HERC4: variants seen among roughly 807,000 people sequenced by gnomAD.
HERC4 encodes HECT and RLD domain containing E3 ubiquitin protein ligase 4, also known as probable E3 ubiquitin-protein ligase HERC4.
A neutral mutation model predicts 124.3 loss-of-function variants in HERC4; 28 were observed. That is an observed-to-expected ratio of 0.23 (90% CI 0.17 to 0.31). HERC4 has a LOEUF of 0.31. Among genes scored for constraint, HERC4 ranks in the 10% least tolerant of loss-of-function variants. The pLI is 1.00. For missense variants in HERC4, 713 were observed against 1,229.3 expected, an observed-to-expected ratio of 0.58 and a Z score of 6.28; for synonymous variants, 407 against 421.5, an observed-to-expected ratio of 0.97 and a Z score of 0.42.
intron 9 of HERC4, among the ~76,000 whole-genome samples, chr10:67,999,474 C>T (rs1468734295): frequency 1.3e-5 from 2 of 152,150 alleles, no homozygotes; most frequent in Non-Finnish European, 2.9e-5. Flanking sequence ...AAAAGGATTC[C>T]AACAGGTATG....
chr10:67,964,410 T>C (rs1199961166), intron 16 of HERC4, among the ~76,000 whole-genome samples: 2 of 152,146 alleles, frequency 1.3e-5, no homozygotes, highest in African/African-American at 2.4e-5. Flanking sequence ...ATCCAATCCA[T>C]CAGTGATTTT....
rs528302794 is a variant in HERC4 at position 67,942,924 on chromosome 10, T to C, written c.2338-1819A>G. Among the ~76,000 whole-genome samples, 35 of 152,344 alleles carry C rather than the reference T, an allele frequency of 2.3e-4. 1 individual carries two copies. The highest frequency in any genetic ancestry group is 8.2e-4 in the African/African-American group (34 of 41,582). On this transcript the variant is annotated intron_variant, in intron 19 of 24. Transcript: ENST00000373700. ...ACACATTTTTCTTTTGAGTTTAAAATGACAACTTGCTTTAGTACACATTTC... is the reference window on the plus strand; with the variant it reads ...ACACATTTTTCTTTTGAGTTTAAAACGACAACTTGCTTTAGTACACATTTC...
chr10:68,067,210 G>A (rs2041343015), intron 3 of HERC4: 1 of 152,620 alleles, frequency 6.6e-6, no homozygotes, highest in Admixed American at 6.5e-5. Flanking sequence ...TTCCTCAGAT[G>A]TAGGGTCCTA....
At chr10:68,027,287 C>A (rs1238374676) in intron 7 of HERC4, among the ~76,000 whole-genome samples, 4 of 152,108 alleles carry the variant, frequency 2.6e-5, no homozygotes, top group African/African-American at 9.7e-5. Flanking sequence ...TAGTAAATCA[C>A]CATATAACCA....
At chr10:67,988,373 T>C (rs2036375935) in intron 15 of HERC4, among the ~76,000 whole-genome samples, 2 of 152,108 alleles carry the variant, frequency 1.3e-5, no homozygotes, top group Non-Finnish European at 2.9e-5. Context: ...TAACAAATTA[T>C]ATTCTTCATA....
At chr10:68,030,767 T>C (rs765339067) in intron 7 of HERC4, among the ~76,000 whole-genome samples, 1 of 152,212 alleles carries the variant, frequency 6.6e-6, no homozygotes, top group Non-Finnish European at 1.5e-5. Flanking sequence ...CATCAAAATG[T>C]GTATTTGTAT....
At chr10:68,004,491 T>TTC (rs1362052897) in intron 9 of HERC4, among the ~76,000 whole-genome samples, 1 of 152,172 alleles carries the variant, frequency 6.6e-6, no homozygotes, top group African/African-American at 2.4e-5. Context: ...CCTGGAGAGT[T>TTC]TCCTCAGCTT....
At chr10:68,059,865 TATATTATAATAATATTATATATCATA>T (rs2040893469) in intron 3 of HERC4, among the ~76,000 whole-genome samples, 1 of 95,508 alleles carries the variant, frequency 1.0e-5, no homozygotes, top group Non-Finnish European at 1.7e-5. Context: ...CATAATATTA[TATATTATAATAATATTATATATCATA>T]ATATTATATA....
At chr10:67,970,318 A>G (rs1209616146) in intron 15 of HERC4, among the ~76,000 whole-genome samples, 2 of 152,204 alleles carry the variant, frequency 1.3e-5, no homozygotes, top group Non-Finnish European at 2.9e-5. Flanking sequence ...CAGGCTGGGC[A>G]TGGTGGCTCA....
At chr10:68,065,641 G>A (rs921837748) in intron 3 of HERC4, among the ~76,000 whole-genome samples, 10 of 152,140 alleles carry the variant, frequency 6.6e-5, no homozygotes, top group African/African-American at 2.4e-4. Flanking sequence ...GGGAGTCTGA[G>A]GTGCGAGGAT....
At chr10:68,051,408 G>A (rs1426817649) in intron 3 of HERC4, among the ~76,000 whole-genome samples, 6 of 145,954 alleles carry the variant, frequency 4.1e-5, no homozygotes, top group Non-Finnish European at 6.0e-5. Context: ...GCAGTGGCAC[G>A]ATCTTGGCTC....
chr10:68,065,610 T>C (rs1426375432), intron 3 of HERC4, among the ~76,000 whole-genome samples: 5 of 152,086 alleles, frequency 3.3e-5, no homozygotes, highest in Non-Finnish European at 4.4e-5. Flanking sequence ...TGGTGGTTCA[T>C]GCCTATAATC....
At chr10:67,937,238 T>C (rs10997881) in intron 21 of HERC4, among the ~76,000 whole-genome samples, 12,873 of 152,144 alleles carry the variant, frequency 0.085, 1,012 homozygotes, top group East Asian at 0.4. Flanking sequence ...TTAAAAAAAA[T>C]ACTGTGTGAT....
chr10:68,013,531 A>G (rs1320049877), intron 9 of HERC4, among the ~76,000 whole-genome samples: 2 of 152,214 alleles, frequency 1.3e-5, no homozygotes, highest in African/African-American at 4.8e-5. Flanking sequence ...CCTAGTGTTA[A>G]GTCAAATTCA....
At position 67,982,308 on chromosome 10, in the gene HERC4, C is replaced by A. The variant is rs561948900; in HGVS notation, c.1806+6355G>T. 1.3e-4 allele frequency among the ~76,000 whole-genome samples: 20 copies of A among 151,770 alleles called. No homozygotes were observed. In the East Asian group the frequency reaches 3.5e-3, roughly 27 times the overall value. On this transcript the variant is annotated intron_variant, in intron 15 of 24. Coordinates refer to ENST00000373700, the MANE Select transcript of HERC4 (RefSeq NM_015601.4). ...CAGAACAAATTTGTTTCTAGAGAAC[C>A]TAGAAACAAATCTACACACCTAAAA...
chr10:68,017,119 T>G (rs1472331936), intron 8 of HERC4, among the ~76,000 whole-genome samples: 1 of 152,124 alleles, frequency 6.6e-6, no homozygotes, highest in Admixed American at 6.5e-5. Flanking sequence ...TCAGTGAATG[T>G]GATGCAAGCA....
At chr10:68,067,419 T>C (rs2041353464) in intron 3 of HERC4, among the ~76,000 whole-genome samples, 1 of 152,180 alleles carries the variant, frequency 6.6e-6, no homozygotes, top group African/African-American at 2.4e-5. Flanking sequence ...CCTTAGAAGG[T>C]ATTGTGAAAA....
chr10:67,934,985 T>TA (rs2032208976), intron 22 of HERC4, among the ~76,000 whole-genome samples: 1 of 151,724 alleles, frequency 6.6e-6, no homozygotes, highest in Non-Finnish European at 1.5e-5. Context: ...TTTCCATTTT[T>TA]AATTGTATGC....
intron 15 of HERC4, among the ~76,000 whole-genome samples, chr10:67,973,852 G>A (rs190326587): frequency 5.9e-5 from 9 of 152,102 alleles, no homozygotes; most frequent in African/African-American, 1.9e-4. Context: ...AAGAGATCGA[G>A]ACCATTCAAC....
Sources: allele counts gnomAD v4.1 joint callset (sites outside exome capture counted in the v4.1 genomes callset), GRCh38; gene constraint gnomAD v4.1.1; transcripts MANE v1.5; gene names NCBI Gene and HGNC (gene_info 2026-07-23, HGNC 2026-07-21).